Variants in TENM2 observed in about 807,000 individuals in gnomAD.
TENM2 encodes the protein teneurin transmembrane protein 2.
TENM2 carries 52 observed loss-of-function variants against 245.2 expected under a neutral mutation model. The ratio of observed to expected loss-of-function variants is 0.21; its 90% CI spans 0.17 to 0.27. TENM2 has a LOEUF of 0.27. Among genes scored for constraint, TENM2 ranks in the 10% least tolerant of loss-of-function variants. TENM2 has a pLI of 1.00. For missense variants in TENM2, 3,046 were observed against 3,666.8 expected (o/e 0.83, Z 4.37); for synonymous variants, 1,363 against 1,438.9 (o/e 0.95, Z 1.19).
chr5:167,586,304 G>A (rs1332745094), intron 2 of TENM2, among the ~76,000 whole-genome samples: 1 of 152,198 alleles, frequency 6.6e-6, no homozygotes, highest in Non-Finnish European at 1.5e-5. Context: ...CAGTTTATTT[G>A]AGGGACTTGA....
chr5:167,238,335 C>A, the TENM2 span, among the ~76,000 whole-genome samples: 1 of 152,162 alleles, frequency 6.6e-6, no homozygotes, highest in Non-Finnish European at 1.5e-5. Flanking sequence ...CAATAGATCT[C>A]AGGTCTTATG....
At chr5:167,558,436 C>A (rs1332851714) in intron 2 of TENM2, among the ~76,000 whole-genome samples, 1 of 152,180 alleles carries the variant, frequency 6.6e-6, no homozygotes, top group Non-Finnish European at 1.5e-5. Context: ...GTCCCCAACC[C>A]CCCGGCCACA....
At chr5:167,852,045 A>C (rs1770631503) in intron 2 of TENM2, among the ~76,000 whole-genome samples, 1 of 152,354 alleles carries the variant, frequency 6.6e-6, no homozygotes, top group South Asian at 2.1e-4. Context: ...ATAGAGAACC[A>C]GTAGCAGAGG....
intron 2 of TENM2, among the ~76,000 whole-genome samples, chr5:167,806,825 A>G (rs941068031): frequency 6.6e-6 from 1 of 152,074 alleles, no homozygotes; most frequent in Admixed American, 6.6e-5. Flanking sequence ...AGAGTTCAGG[A>G]AAGTTCCCAA....
chr5:167,118,376 C>T, the TENM2 span, among the ~76,000 whole-genome samples: 1 of 152,028 alleles, frequency 6.6e-6, no homozygotes, highest in Non-Finnish European at 1.5e-5. Flanking sequence ...TATCTGTACA[C>T]AAAGAATTCT....
At chr5:167,812,887 C>T (rs1180178740) in intron 2 of TENM2, among the ~76,000 whole-genome samples, 1 of 152,158 alleles carries the variant, frequency 6.6e-6, no homozygotes, top group Admixed American at 6.6e-5. Flanking sequence ...GGACCCGATG[C>T]CACACAGACT....
intron 2 of TENM2, among the ~76,000 whole-genome samples, chr5:167,863,006 A>G (rs767717700): frequency 4.6e-5 from 7 of 152,212 alleles, no homozygotes; most frequent in Non-Finnish European, 8.8e-5. Flanking sequence ...CAACATTGCA[A>G]TGACTCTATG....
rs115762353 is a variant in TENM2, at chr5:167,596,047, C to G, written c.502+220574C>G. ...CCCTTATTTGATTTTGCCCTTCAGA[C>G]TTGAATTTTTCTCCTAACGCTATTT... On this transcript the variant is annotated intron_variant, in intron 2 of 28. Coordinates refer to ENST00000518659, the Ensembl canonical transcript of TENM2. 1.4e-3 allele frequency among the ~76,000 whole-genome samples: 209 copies of G among 152,206 alleles called. 2 individuals carry two copies. The highest frequency in any genetic ancestry group is 4.7e-3 in the African/African-American group (194 of 41,540).
At chr5:168,192,907 A>C (rs939888249) in intron 14 of TENM2, among the ~76,000 whole-genome samples, 7 of 152,018 alleles carry the variant, frequency 4.6e-5, no homozygotes, top group African/African-American at 1.7e-4. Context: ...TTCTACCCTA[A>C]ATCCAGTCAT....
chr5:167,113,268 G>A, the TENM2 span, among the ~76,000 whole-genome samples: 3 of 152,140 alleles, frequency 2.0e-5, no homozygotes, highest in Admixed American at 2.0e-4. Flanking sequence ...CACATGTAAA[G>A]GCAATGACAG....
chr5:167,034,335 T>C, the TENM2 span, among the ~76,000 whole-genome samples: 1 of 150,594 alleles, frequency 6.6e-6, no homozygotes, highest in East Asian at 1.9e-4. Context: ...TAGGTGTACA[T>C]GTGAAATTAT....
At chr5:167,396,768 G>A (rs996649025) in intron 2 of TENM2, among the ~76,000 whole-genome samples, 3 of 152,154 alleles carry the variant, frequency 2.0e-5, no homozygotes, top group Admixed American at 2.0e-4. Flanking sequence ...TGGAGAAATG[G>A]TTAAGACTTT....
At chr5:168,158,774 A>G in intron 12 of TENM2, among the ~76,000 whole-genome samples, 1 of 144,058 alleles carries the variant, frequency 6.9e-6, no homozygotes, top group Non-Finnish European at 1.5e-5. Flanking sequence ...AGCCTGGCCA[A>G]CATGGTGAAA....
chr5:167,583,220 G>T (rs910596980), intron 2 of TENM2, among the ~76,000 whole-genome samples: 1 of 151,614 alleles, frequency 6.6e-6, no homozygotes, highest in African/African-American at 2.4e-5. Flanking sequence ...AGTGGAGATC[G>T]CATGCCTTGG....
At chr5:167,813,057 G>T (rs1394044093) in intron 2 of TENM2, among the ~76,000 whole-genome samples, 1 of 152,114 alleles carries the variant, frequency 6.6e-6, no homozygotes, top group Non-Finnish European at 1.5e-5. Context: ...TCGTGCTTCT[G>T]TAGGGCAGCT....
intron 9 of TENM2, among the ~76,000 whole-genome samples, chr5:168,107,187 C>A (rs1794313988): frequency 6.7e-6 from 1 of 149,894 alleles, no homozygotes; most frequent in South Asian, 2.1e-4. Flanking sequence ...TTCCGATGAC[C>A]TCCAACAATT....
At chr5:168,141,134 A>G (rs1755509791) in intron 12 of TENM2, among the ~76,000 whole-genome samples, 1 of 152,110 alleles carries the variant, frequency 6.6e-6, no homozygotes, top group Non-Finnish European at 1.5e-5. Flanking sequence ...TGGGCTTTGC[A>G]GGCATGACCC....
chr5:167,424,891 A>G (rs1763721609), intron 2 of TENM2, among the ~76,000 whole-genome samples: 1 of 152,180 alleles, frequency 6.6e-6, no homozygotes, highest in African/African-American at 2.4e-5. Context: ...ATAATGTTTC[A>G]TAAAGGAAGT....
the TENM2 span, among the ~76,000 whole-genome samples, chr5:167,198,488 G>A: frequency 1.1e-4 from 17 of 152,022 alleles, no homozygotes; most frequent in African/African-American, 4.1e-4. Flanking sequence ...TGGCTCAAAG[G>A]TAGCCACAAA....
Sources: gnomAD v4.1 joint callset for allele counts (sites outside exome capture counted in the v4.1 genomes callset) on GRCh38, gnomAD v4.1.1 for gene constraint, MANE v1.5 for transcripts, NCBI Gene and HGNC (gene_info 2026-07-23, HGNC 2026-07-21) for gene names.